Variants in GRAMD1B observed in about 807,000 individuals in gnomAD.
The protein encoded by GRAMD1B is GRAM domain containing 1B.
Under a neutral mutation model 99.7 loss-of-function variants are expected in GRAMD1B, and 37 were observed. The ratio of observed to expected loss-of-function variants is 0.37; its 90% CI spans 0.29 to 0.49. GRAMD1B has a LOEUF of 0.49. Among genes scored for constraint, GRAMD1B ranks in the 20% least tolerant of loss-of-function variants. The pLI, the probability that GRAMD1B is intolerant of heterozygous loss-of-function variation, is 0.98. For missense variants in GRAMD1B, 888 were observed against 1,009.2 expected, an observed-to-expected ratio of 0.88 and a Z score of 1.63; for synonymous variants, 427 against 387.6, an observed-to-expected ratio of 1.10 and a Z score of -1.19.
chr11:123,392,316 C>T (rs1199605403), intron 1 of GRAMD1B, among the ~76,000 whole-genome samples: 25 of 151,718 alleles, frequency 1.6e-4, no homozygotes, highest in Non-Finnish European at 8.8e-5. Context: ...GCCACTCCTA[C>T]TCAGCCTTTT....
In GRAMD1B at chr11:123,587,131, C is replaced by T. The variant is rs1950155515; in HGVS notation, c.684+2799C>T. Among the ~76,000 whole-genome samples the T allele has an allele frequency of 6.6e-6, 1 of 152,218 alleles. No individual in the cohort carries two copies. Among genetic ancestry groups the T allele is most frequent in the Non-Finnish European group, 1.5e-5 (1 of 68,022 alleles). Reference sequence around the variant, plus strand: ...TCACCTGCTGCCTCTCTGCAGAAGACAAAAGCATTTCCTTTGACATGACCA... The same window carrying T: ...TCACCTGCTGCCTCTCTGCAGAAGATAAAAGCATTTCCTTTGACATGACCA... On this transcript the variant is annotated intron_variant, in intron 4 of 19. Transcript: ENST00000635736. The surrounding 1 kb of genome is among the most constrained non-coding windows in gnomAD (Gnocchi z 4.2).
intron 1 of GRAMD1B, among the ~76,000 whole-genome samples, chr11:123,386,037 G>T (rs1321205810): frequency 1.3e-5 from 2 of 152,152 alleles, no homozygotes; most frequent in East Asian, 3.8e-4. Flanking sequence ...ATATGTATAG[G>T]CTTGGAAGTT....
intron 2 of GRAMD1B, among the ~76,000 whole-genome samples, chr11:123,556,458 A>G (rs1486375530): frequency 2.6e-5 from 4 of 152,186 alleles, no homozygotes; most frequent in African/African-American, 4.8e-5. Context: ...AATGTGATTG[A>G]TCAGGTCTGG....
At chr11:123,490,369 G>A (rs1938415054) in intron 2 of GRAMD1B, among the ~76,000 whole-genome samples, 2 of 152,152 alleles carry the variant, frequency 1.3e-5, no homozygotes, top group South Asian at 4.1e-4. Flanking sequence ...CAATAGAGAA[G>A]CAAGAAAGAA....
intron 1 of GRAMD1B, among the ~76,000 whole-genome samples, chr11:123,371,418 G>A (rs1946525226): frequency 6.6e-6 from 1 of 152,116 alleles, no homozygotes; most frequent in Non-Finnish European, 1.5e-5. Flanking sequence ...ACTTTTGAAG[G>A]TTTAAACCAC....
chr11:123,484,496 T>C (rs1951778840), intron 2 of GRAMD1B, among the ~76,000 whole-genome samples: 1 of 152,082 alleles, frequency 6.6e-6, no homozygotes, highest in Non-Finnish European at 1.5e-5. Flanking sequence ...CCAGAAAAAC[T>C]CTCTCGATTT....
intron 2 of GRAMD1B, among the ~76,000 whole-genome samples, chr11:123,481,499 C>T (rs553590421): frequency 3.4e-4 from 51 of 152,212 alleles, no homozygotes; most frequent in African/African-American, 1.1e-3. Context: ...GGAGTTAGGA[C>T]TTGAGTCATG....
At chr11:123,434,794 A>G (rs1349401816) in intron 1 of GRAMD1B, among the ~76,000 whole-genome samples, 1 of 152,242 alleles carries the variant, frequency 6.6e-6, no homozygotes, top group Non-Finnish European at 1.5e-5. Flanking sequence ...TTTCCAAAAG[A>G]AAATAGAATT....
intron 14 of GRAMD1B, among the ~76,000 whole-genome samples, chr11:123,611,517 C>G (rs1179430402): frequency 6.6e-6 from 1 of 152,130 alleles, no homozygotes; most frequent in Non-Finnish European, 1.5e-5. Context: ...TGAACATGTA[C>G]TCCTCCTTCA....
chr11:123,482,186 C>T (rs1218808833), intron 2 of GRAMD1B, among the ~76,000 whole-genome samples: 4 of 152,010 alleles, frequency 2.6e-5, no homozygotes, highest in African/African-American at 9.7e-5. Context: ...GCAACCTCCA[C>T]CTCCTGGGTT....
chr11:123,515,434 T>C (rs1180473447), intron 2 of GRAMD1B, among the ~76,000 whole-genome samples: 1 of 152,178 alleles, frequency 6.6e-6, no homozygotes, highest in Non-Finnish European at 1.5e-5. Context: ...GCAATACTCA[T>C]TAGAGCATTT....
rs1184217297 is a variant in GRAMD1B, at chr11:123,510,899, C to T, written c.452+30006C>T. On this transcript the variant is annotated intron_variant, in intron 2 of 19. Coordinates refer to ENST00000635736, the MANE Select transcript of GRAMD1B (RefSeq NM_001387025.1). This position sits in a 1 kb window ranked among gnomAD's most constrained non-coding sequence, Gnocchi z 4.3. ...GGTGCCAGGTCCTACAAAGCACATG[C>T]CCCACCTTGGTGTGCTTGGAAGTCG... Among the ~76,000 whole-genome samples the T allele has an allele frequency of 6.6e-6, 1 of 152,102 alleles. No homozygotes were observed. The highest frequency in any genetic ancestry group is 1.5e-5 in the Non-Finnish European group (1 of 68,028).
intron 3 of GRAMD1B, among the ~76,000 whole-genome samples, chr11:123,580,749 A>C (rs1354735458): frequency 6.6e-6 from 1 of 152,090 alleles, no homozygotes; most frequent in Non-Finnish European, 1.5e-5. Flanking sequence ...CACCAGAGGG[A>C]GCGAGGGGCC....
chr11:123,444,117 G>C (rs527584269), intron 1 of GRAMD1B, among the ~76,000 whole-genome samples: 43 of 152,102 alleles, frequency 2.8e-4, no homozygotes, highest in African/African-American at 9.4e-4. Flanking sequence ...GATTAGGAAG[G>C]TCTGGAAGGG....
chr11:123,545,150 C>T (rs746905998), intron 2 of GRAMD1B, among the ~76,000 whole-genome samples: 8 of 152,292 alleles, frequency 5.3e-5, no homozygotes, highest in Non-Finnish European at 1.0e-4. Context: ...CGCCCCGGTG[C>T]GAGAAAGAAT....
At chr11:123,578,527 C>A in intron 3 of GRAMD1B, 1 of 851,326 alleles carries the variant, frequency 1.2e-6, no homozygotes. Flanking sequence ...CCGATTCTGG[C>A]CCTTATATCC....
rs796370043 is a variant in GRAMD1B at position 123,423,275 on chromosome 11, G to GA, written c.-175-57532dup. ...ACACACACACACACACAGATTAAAA[G>GA]AAAAAAAAACCTTATCCCCAACCCC... is the stretch of plus-strand genomic sequence containing the variant. On this transcript the variant is annotated intron_variant, in intron 1 of 20. Coordinates refer to the GRAMD1B transcript ENST00000638157. Among the ~76,000 whole-genome samples the GA allele has an allele frequency of 1.0e-4, 15 of 145,570 alleles. No individual in the cohort carries two copies. In the East Asian group the frequency reaches 1.8e-3, roughly 17 times the overall value.
chr11:123,418,623 T>C (rs776423958), intron 1 of GRAMD1B, among the ~76,000 whole-genome samples: 57 of 152,252 alleles, frequency 3.7e-4, no homozygotes, highest in South Asian at 6.2e-4. Context: ...GGTGTTGGCT[T>C]AGTGTGATAT....
intron 2 of GRAMD1B, among the ~76,000 whole-genome samples, chr11:123,548,941 A>G (rs1945333505): frequency 2.0e-5 from 3 of 152,186 alleles, no homozygotes; most frequent in Admixed American, 2.0e-4. Flanking sequence ...TTGGTTTAGC[A>G]TTTAGAGAGA....
Sources: gnomAD v4.1 joint callset for allele counts (sites outside exome capture counted in the v4.1 genomes callset) on GRCh38, gnomAD v4.1.1 for gene constraint, Gnocchi (gnomAD v3.1) non-coding constraint, MANE v1.5 for transcripts, NCBI Gene and HGNC (gene_info 2026-07-23, HGNC 2026-07-21) for gene names.